CTIF: variants seen among roughly 807,000 people sequenced by gnomAD.
CTIF encodes the protein cap binding complex dependent translation initiation factor, also known as CBP80/20-dependent translation initiation factor.
CTIF carries 21 observed loss-of-function variants against 66.0 expected under a neutral mutation model. The ratio of observed to expected loss-of-function variants is 0.32; its 90% CI spans 0.23 to 0.46. The LOEUF (loss-of-function observed/expected upper bound fraction) is 0.46, where lower values mean the gene tolerates loss of function less well. Ranked by LOEUF, CTIF falls within the 20% of genes least tolerant of loss-of-function variation. The pLI is 1.00. For synonymous variants in CTIF, 345 were observed against 326.4 expected, an observed-to-expected ratio of 1.06 and a Z score of -0.62; for missense variants, 739 against 812.7, an observed-to-expected ratio of 0.91 and a Z score of 1.10.
intron 9 of CTIF, among the ~76,000 whole-genome samples, chr18:48,769,871 T>G (rs886877682): frequency 2.0e-5 from 3 of 152,234 alleles, no homozygotes; most frequent in African/African-American, 7.2e-5. Flanking sequence ...TCATTTGCCC[T>G]CCACTGTGGT....
chr18:48,677,649 C>T (rs2091653924), intron 6 of CTIF, among the ~76,000 whole-genome samples: 1 of 152,164 alleles, frequency 6.6e-6, no homozygotes, highest in Non-Finnish European at 1.5e-5. Context: ...GGCTTGTGAA[C>T]ACTCCATATG....
chr18:48,568,668 A>T (rs928079556), intron 1 of CTIF, among the ~76,000 whole-genome samples: 3 of 137,150 alleles, frequency 2.2e-5, no homozygotes, highest in South Asian at 4.7e-4. Context: ...AAAAAAAAAA[A>T]GAGGTTTAAT....
intron 2 of CTIF, among the ~76,000 whole-genome samples, chr18:48,634,229 G>A (rs111917293): frequency 2.2e-4 from 34 of 152,240 alleles, no homozygotes; most frequent in East Asian, 5.8e-4. Flanking sequence ...TGATGTGCCC[G>A]TCTCGATGCA....
At chr18:48,663,031 T>C (rs577122789) in intron 3 of CTIF, among the ~76,000 whole-genome samples, 91 of 152,214 alleles carry the variant, frequency 6.0e-4, no homozygotes, top group Non-Finnish European at 8.8e-4. Flanking sequence ...GGGAGTGAAT[T>C]TCTGGGTCAT....
At chr18:48,732,321 G>A (rs1387342770) in intron 7 of CTIF, among the ~76,000 whole-genome samples, 1 of 152,204 alleles carries the variant, frequency 6.6e-6, no homozygotes, top group Non-Finnish European at 1.5e-5. Context: ...CTGGAAGGCT[G>A]TAGGAAAAAT....
At chr18:48,668,809 G>A (rs1001010188) in intron 5 of CTIF, among the ~76,000 whole-genome samples, 4 of 152,078 alleles carry the variant, frequency 2.6e-5, no homozygotes, top group East Asian at 1.9e-4. Context: ...TTCCTGCAAC[G>A]ATCCCTTGTC....
intron 7 of CTIF, among the ~76,000 whole-genome samples, chr18:48,753,333 G>A (rs1908019554): frequency 6.6e-6 from 1 of 152,116 alleles, no homozygotes; most frequent in Admixed American, 6.5e-5. Flanking sequence ...TATCTAGTTG[G>A]GAACGATTAT....
At chr18:48,725,812 A>AT (rs1190619981) in intron 7 of CTIF, among the ~76,000 whole-genome samples, 1 of 152,152 alleles carries the variant, frequency 6.6e-6, no homozygotes, top group African/African-American at 2.4e-5. Flanking sequence ...TTCAAGGCAG[A>AT]TTTTTTTGCT....
chr18:48,819,365 G>A (rs2068434740), intron 10 of CTIF, among the ~76,000 whole-genome samples: 1 of 152,174 alleles, frequency 6.6e-6, no homozygotes, highest in African/African-American at 2.4e-5. Context: ...CCTGTGCCCT[G>A]GACAACCCAC....
intron 1 of CTIF, among the ~76,000 whole-genome samples, chr18:48,552,312 C>T (rs190390161): frequency 5.3e-4 from 81 of 152,324 alleles, no homozygotes; most frequent in African/African-American, 1.6e-3. Context: ...AAACTGAGGA[C>T]GGGTTCTCTG....
At chr18:48,848,431 T>C (rs949825109) in intron 10 of CTIF, among the ~76,000 whole-genome samples, 10 of 152,202 alleles carry the variant, frequency 6.6e-5, no homozygotes, top group African/African-American at 2.4e-4. Context: ...AGGCAGGGGC[T>C]GGGCTGAGCT....
intron 6 of CTIF, among the ~76,000 whole-genome samples, chr18:48,680,699 G>C (rs1026720347): frequency 1.3e-5 from 2 of 152,274 alleles, no homozygotes; most frequent in Admixed American, 1.3e-4. Flanking sequence ...TGCCCTTGAT[G>C]ACTTGGGCCA....
chr18:48,594,921 A>G (rs922095288), intron 1 of CTIF, among the ~76,000 whole-genome samples: 1 of 152,120 alleles, frequency 6.6e-6, no homozygotes, highest in Non-Finnish European at 1.5e-5. Flanking sequence ...GTCTTGATGA[A>G]CTGCAGGAGT....
chr18:48,695,066 A>G (rs534173227), intron 6 of CTIF, among the ~76,000 whole-genome samples: 1 of 152,330 alleles, frequency 6.6e-6, no homozygotes, highest in African/African-American at 2.4e-5. Context: ...TTCTTCTGGT[A>G]CTGATCAGAT....
chr18:48,763,113 G>T (rs914755789), intron 9 of CTIF, among the ~76,000 whole-genome samples: 1 of 152,220 alleles, frequency 6.6e-6, no homozygotes, highest in Non-Finnish European at 1.5e-5. Context: ...GGGCAGAGAA[G>T]CCTGTCTGCC....
intron 3 of CTIF, among the ~76,000 whole-genome samples, chr18:48,662,995 G>A (rs756062102): frequency 3.3e-5 from 5 of 152,078 alleles, no homozygotes; most frequent in Non-Finnish European, 5.9e-5. Context: ...GGTGAGCATC[G>A]GGCACATTTC....
At chr18:48,737,858 A>G (rs1337442002) in intron 7 of CTIF, among the ~76,000 whole-genome samples, 1 of 152,242 alleles carries the variant, frequency 6.6e-6, no homozygotes, top group African/African-American at 2.4e-5. Context: ...CATAATTGTA[A>G]GTAGAAGTTA....
At chr18:48,680,401 C>G (rs1411493440) in intron 6 of CTIF, among the ~76,000 whole-genome samples, 1 of 152,252 alleles carries the variant, frequency 6.6e-6, no homozygotes, top group Non-Finnish European at 1.5e-5. Context: ...TCCTCAAGGT[C>G]TCAGCTGGGC....
At chr18:48,795,047 G>C (rs1173725551) in intron 9 of CTIF, among the ~76,000 whole-genome samples, 1 of 152,172 alleles carries the variant, frequency 6.6e-6, no homozygotes, top group Non-Finnish European at 1.5e-5. Flanking sequence ...TAAGTGGTTA[G>C]TTTTGCCGTA....
Sources: gnomAD v4.1 joint callset for allele counts (sites outside exome capture counted in the v4.1 genomes callset) on GRCh38, gnomAD v4.1.1 for gene constraint, MANE v1.5 for transcripts, NCBI Gene and HGNC (gene_info 2026-07-23, HGNC 2026-07-21) for gene names.